Variants in TEX26 observed in about 807,000 individuals in gnomAD.
TEX26 encodes testis-expressed protein 26.
TEX26 carries 34 observed loss-of-function variants against 35.3 expected under a neutral mutation model. The ratio of observed to expected loss-of-function variants is 0.96; its 90% CI spans 0.73 to 1.28. TEX26 has a LOEUF of 1.28. Among genes scored for constraint, TEX26 ranks in the 50% most tolerant of loss-of-function variants. The pLI, the probability that TEX26 is intolerant of heterozygous loss-of-function variation, is 0.00. For missense variants in TEX26, 371 were observed against 330.1 expected (o/e 1.12, Z -0.96); for synonymous variants, 136 against 111.8 (o/e 1.22, Z -1.36).
chr13:30,970,000 C>T (rs941512170), intron 6 of TEX26, among the ~76,000 whole-genome samples: 13 of 152,060 alleles, frequency 8.5e-5, no homozygotes, highest in African/African-American at 3.1e-4. Flanking sequence ...TCCAAGGGCT[C>T]TCTGTCTCTT....
chr13:30,956,913 G>C lies in TEX26; in HGVS notation c.353G>C (p.Gly118Ala), dbSNP rs771772127. Residue 118 changes from glycine to alanine, a missense_variant, in exon 4 of 7, where the codon GGG (glycine) becomes GCG (alanine). Transcript: ENST00000380473. ...LWTLPHCQQT[G>A]TLKNCLPWKI... ...ACACTACCTCACTGTCAACAAACGG[G>C]GACACTAAAGAACTGCCTCCCTTGG... 1 of 1,614,122 alleles carries C rather than the reference G, an allele frequency of 6.2e-7. No homozygotes were observed. Among genetic ancestry groups the C allele is most frequent in the African/African-American group, 1.3e-5 (1 of 75,042 alleles).
intron 4 of TEX26, among the ~76,000 whole-genome samples, chr13:30,958,183 A>G (rs1433674791): frequency 1.3e-5 from 2 of 152,186 alleles, no homozygotes; most frequent in African/African-American, 4.8e-5. Flanking sequence ...GGGTAAGTAG[A>G]GATGACATCA....
chr13:30,950,967 C>G (rs1196560154), intron 2 of TEX26, among the ~76,000 whole-genome samples: 1 of 152,156 alleles, frequency 6.6e-6, no homozygotes, highest in Non-Finnish European at 1.5e-5. Flanking sequence ...GGTTTGTTCT[C>G]AGGTGGATAT....
intron 5 of TEX26, 30 bp from the exon 6 acceptor site, chr13:30,968,855 C>T (rs561975443): frequency 7.1e-5 from 113 of 1,599,796 alleles, no homozygotes; most frequent in Middle Eastern, 5.0e-4. Context: ...GCCAGCCTTC[C>T]GACCTCTCCT....
intron 4 of TEX26, 79 bp from the exon 5 acceptor site, chr13:30,966,143 C>T (rs1254668885): frequency 6.6e-7 from 1 of 1,516,214 alleles, no homozygotes. Flanking sequence ...TTGACCATAC[C>T]TCTAAACACA....
In TEX26 at chr13:30,974,707, G is replaced by T. The variant is rs545737168; in HGVS notation, c.809-139G>T. On this transcript the variant is annotated intron_variant, in intron 6 of 6. Coordinates refer to ENST00000380473, the MANE Select transcript of TEX26 (RefSeq NM_152325.3). Reference sequence around the variant, plus strand: ...GCCTGTTTAGGTATTAGGTATAATAGCCTGCTATTATTTTGGTCTTACCAA... The same window carrying T: ...GCCTGTTTAGGTATTAGGTATAATATCCTGCTATTATTTTGGTCTTACCAA... The T allele has an allele frequency of 2.2e-4, 160 of 713,386 alleles. 1 individual carries two copies. In the South Asian group the frequency reaches 2.6e-3, roughly 11 times the overall value. 44.2% of individuals were successfully genotyped at this position (713,386 alleles called of 1,614,324 possible). A position where few individuals can be genotyped will look rare whatever the true frequency, so the allele number is the denominator to read the frequency against.
chr13:30,956,261 C>T (rs1343687229), intron 3 of TEX26, among the ~76,000 whole-genome samples: 4 of 145,758 alleles, frequency 2.7e-5, no homozygotes, highest in Admixed American at 7.0e-5. Context: ...TGAGAACATG[C>T]GGTGTTTGGT....
At chr13:30,969,129 C>T (rs1399830322) in intron 6 of TEX26, 83 bp downstream of exon 6, 29 of 1,270,548 alleles carry the variant, frequency 2.3e-5, no homozygotes, top group Non-Finnish European at 2.8e-5. Context: ...GTTCTAGCCA[C>T]TGGAGTTGAA....
intron 4 of TEX26, among the ~76,000 whole-genome samples, chr13:30,962,921 C>A (rs757257668): frequency 2.1e-4 from 32 of 151,960 alleles, no homozygotes; most frequent in Non-Finnish European, 2.8e-4. Context: ...CTCCCGGGTT[C>A]ATGCCATTCT....
intron 4 of TEX26, among the ~76,000 whole-genome samples, chr13:30,960,834 A>T (rs1954313106): frequency 6.6e-6 from 1 of 152,218 alleles, no homozygotes; most frequent in Non-Finnish European, 1.5e-5. Context: ...CCGATTCATT[A>T]TAAAGCTAAT....
At chr13:30,948,235 A>T (rs972642206) in intron 2 of TEX26, among the ~76,000 whole-genome samples, 23 of 152,208 alleles carry the variant, frequency 1.5e-4, no homozygotes, top group Non-Finnish European at 3.2e-4. Flanking sequence ...CATGATTTAC[A>T]ATCCTTTGGG....
Position 30,954,544 on chromosome 13 carries a change from G to A in TEX26, c.312+1719G>A, listed in dbSNP as rs560347443. Among the ~76,000 whole-genome samples, 13 of 151,772 alleles carry A rather than the reference G, an allele frequency of 8.6e-5. No homozygotes were observed. The South Asian group carries it at 2.3e-3, about 27-fold the overall frequency. Reference sequence around the variant, plus strand: ...ATCAATCAGAGGTCACTACAGCCTCGAACTCTTGAACTCAAGTGATGCTCC... The same window carrying A: ...ATCAATCAGAGGTCACTACAGCCTCAAACTCTTGAACTCAAGTGATGCTCC... On this transcript the variant is annotated intron_variant, in intron 3 of 6. Transcript: ENST00000380473.
In TEX26 at chr13:30,968,872, T is replaced by C. The variant is rs1196791383; in HGVS notation, c.647-13T>C. On this transcript the variant is annotated splice_polypyrimidine_tract_variant and intron_variant, in intron 5 of 6. Coordinates refer to ENST00000380473, the MANE Select transcript of TEX26 (RefSeq NM_152325.3). ...CAGCCTTCCGACCTCTCCTCCCCTGTGTATTTCTATAGTGCCTTCTGTGCT... is the reference window on the plus strand; with the variant it reads ...CAGCCTTCCGACCTCTCCTCCCCTGCGTATTTCTATAGTGCCTTCTGTGCT... 5 of 1,611,472 alleles carry C rather than the reference T, an allele frequency of 3.1e-6. No homozygotes were observed. The highest frequency in any genetic ancestry group is 1.7e-5 in the Admixed American group (1 of 59,508).
chr13:30,958,378 A>G (rs1320633051), intron 4 of TEX26, among the ~76,000 whole-genome samples: 1 of 152,220 alleles, frequency 6.6e-6, no homozygotes. Flanking sequence ...TTCCTAAGTT[A>G]CTGAGAAAGC....
chr13:30,948,939 A>G (rs1466302322), intron 2 of TEX26, among the ~76,000 whole-genome samples: 1 of 152,206 alleles, frequency 6.6e-6, no homozygotes, highest in Non-Finnish European at 1.5e-5. Flanking sequence ...GAAGGGATCC[A>G]GTTTCAGCTT....
chr13:30,966,977 G>C (rs1954560507), intron 5 of TEX26, among the ~76,000 whole-genome samples: 1 of 152,184 alleles, frequency 6.6e-6, no homozygotes, highest in South Asian at 2.1e-4. Flanking sequence ...TGCTGGGGAG[G>C]GGCAGTGGTT....
chr13:30,942,444 A>T (rs1460659457), intron 2 of TEX26, among the ~76,000 whole-genome samples: 1 of 152,004 alleles, frequency 6.6e-6, no homozygotes, highest in Non-Finnish European at 1.5e-5. Context: ...CAGTTTGCAA[A>T]TATTTTTCTC....
At chr13:30,961,749 T>C (rs1954352031) in intron 4 of TEX26, among the ~76,000 whole-genome samples, 1 of 152,170 alleles carries the variant, frequency 6.6e-6, no homozygotes, top group African/African-American at 2.4e-5. Context: ...GATTTTTCCA[T>C]TTGTGTCTTA....
chr13:30,942,389 T>A (rs1257514830), intron 2 of TEX26, among the ~76,000 whole-genome samples: 1 of 152,144 alleles, frequency 6.6e-6, no homozygotes, highest in Non-Finnish European at 1.5e-5. Context: ...GGTGATTTCT[T>A]TGAGTTCCTT....
Sources: allele counts gnomAD v4.1 joint callset (sites outside exome capture counted in the v4.1 genomes callset), GRCh38; gene constraint gnomAD v4.1.1; transcripts MANE v1.5; gene names NCBI Gene and HGNC (gene_info 2026-07-23, HGNC 2026-07-21).